TMEM42: variants seen among roughly 807,000 people sequenced by gnomAD.
TMEM42 encodes the protein transmembrane protein 42.
A neutral mutation model predicts 14.0 loss-of-function variants in TMEM42; 8 were observed. The observed-to-expected ratio is 0.57, with a 90% CI of 0.34 to 1.03. The LOEUF (loss-of-function observed/expected upper bound fraction) is 1.03. Among genes scored for constraint, TMEM42 ranks in the 50% least tolerant of loss-of-function variants. The pLI, the probability that TMEM42 is intolerant of heterozygous loss-of-function variation, is 0.03. For missense variants in TMEM42, 211 were observed against 219.8 expected (o/e 0.96, Z 0.25); for synonymous variants, 115 against 94.3 (o/e 1.22, Z -1.27).
chr3:44,865,007 G>A (rs1277074890), intron 2 of TMEM42, 33 bp from the exon 3 acceptor site: 1 of 1,611,406 alleles, frequency 6.2e-7, no homozygotes. Flanking sequence ...ACCTGCTGAA[G>A]TTGAGTCCCT....
rs191283161 is a variant in TMEM42 at position 44,864,168 on chromosome 3, C to T, written c.193-29C>T. ...TCTGCAGGTTGCTGCCCAGGGTGGA[C>T]GTGGCTGCAGTGACACTTTCTCCTG... On this transcript the variant is annotated intron_variant, in intron 1 of 2. Transcript: ENST00000302392. 1.2e-3 allele frequency: 1,957 copies of T among 1,612,358 alleles called. 4 individuals carry two copies. The highest frequency in any genetic ancestry group is 1.2e-3 in the Non-Finnish European group (1,405 of 1,179,560).
chr3:44,864,385 G>A, intron 2 of TMEM42, 42 bp downstream of exon 2: 3 of 1,612,282 alleles, frequency 1.9e-6, no homozygotes, highest in Non-Finnish European at 2.5e-6. Flanking sequence ...CTAAATCTGG[G>A]TTCTGGGTGA....
intron 2 of TMEM42, 129 bp from the exon 3 acceptor site, chr3:44,864,911 G>C: frequency 8.0e-7 from 1 of 1,245,522 alleles, no homozygotes; most frequent in South Asian, 1.5e-5. Context: ...TGACAGCTAG[G>C]TTTCAAGCCC....
rs987935704 is a variant in TMEM42 at position 44,865,391 on chromosome 3, A to C, written c.*211A>C. On this transcript the variant is annotated 3_prime_UTR_variant, in exon 3 of 3. Transcript: ENST00000302392. ...CCGGAAGTGTTTTGATCATCTGTAC[A>C]GTGCTTTGGATTCTTCCTCCCAGGC... 4.9e-6 allele frequency: 3 copies of C among 615,726 alleles called. No homozygotes were observed. The African/African-American group carries it at 5.5e-5, about 11-fold the overall frequency. 38.1% of individuals were successfully genotyped at this position (615,726 alleles called of 1,614,324 possible).
chr3:44,862,129 G>T lies in TMEM42; in HGVS notation c.192+13G>T. ...CTTCGGCAGCGAGGTCGAGCCCGGG[G>T]CGCTGTTGGTGCTGCTGCTGCGGGC... is the stretch of plus-strand genomic sequence containing the variant. On this transcript the variant is annotated intron_variant, in intron 1 of 2. Transcript: ENST00000302392. 1.6e-6 allele frequency: 2 copies of T among 1,232,272 alleles called. No individual in the cohort carries two copies. The allele number at this position is 1,232,272 out of a possible 1,614,324, so 76.3% of individuals were successfully genotyped here.
Position 44,864,177 on chromosome 3 carries a change from A to C in TMEM42, c.193-20A>C. On this transcript the variant is annotated intron_variant, in intron 1 of 2. Coordinates refer to ENST00000302392, the MANE Select transcript of TMEM42 (RefSeq NM_144638.3). The stretch of plus-strand genomic sequence containing the variant: ...TGCTGCCCAGGGTGGACGTGGCTGC[A>C]GTGACACTTTCTCCTGCAGGTGAGC... The C allele has an allele frequency of 6.2e-7, 1 of 1,613,098 alleles. No homozygotes were observed. Among genetic ancestry groups the C allele is most frequent in the Non-Finnish European group, 8.5e-7 (1 of 1,179,770 alleles).
At position 44,862,126 on chromosome 3, in the gene TMEM42, G is replaced by C; in HGVS notation, c.192+10G>C. On this transcript the variant is annotated intron_variant, in intron 1 of 2. Transcript: ENST00000302392. ...GGCCTTCGGCAGCGAGGTCGAGCCC[G>C]GGGCGCTGTTGGTGCTGCTGCTGCG... is the stretch of plus-strand genomic sequence containing the variant. 1 of 1,239,242 alleles carries C rather than the reference G, an allele frequency of 8.1e-7. No individual in the cohort carries two copies. The highest frequency in any genetic ancestry group is 3.1e-4 in the Middle Eastern group (1 of 3,268). 76.8% of individuals were successfully genotyped at this position (1,239,242 alleles called of 1,614,324 possible).
At chr3:44,864,142 G>T in intron 1 of TMEM42, 55 bp from the exon 2 acceptor site, 2 of 1,608,874 alleles carry the variant, frequency 1.2e-6, no homozygotes, top group Admixed American at 1.7e-5. Flanking sequence ...CTTTGAGGGG[G>T]TCTGCAGGTT....
intron 1 of TMEM42, 75 bp from the exon 2 acceptor site, chr3:44,864,122 C>T: frequency 2.5e-6 from 4 of 1,594,044 alleles, no homozygotes; most frequent in Non-Finnish European, 3.4e-6. Flanking sequence ...CAACCACAGT[C>T]CTGGGTGTGC....
chr3:44,863,303 C>CG (rs1553668735), intron 1 of TMEM42: 3 of 95,472 alleles, frequency 3.1e-5, no homozygotes, highest in Non-Finnish European at 7.3e-5. Context: ...ATTCCGCACC[C>CG]CCCCCCCCCG....
chr3:44,864,695 T>G (rs539671154), intron 2 of TMEM42, among the ~76,000 whole-genome samples: 1 of 152,308 alleles, frequency 6.6e-6, no homozygotes, highest in Admixed American at 6.5e-5. Context: ...CAGAAACTTT[T>G]CTGCCCTGTG....
chr3:44,864,988 G>A, intron 2 of TMEM42, 52 bp from the exon 3 acceptor site: 1 of 1,607,836 alleles, frequency 6.2e-7, no homozygotes, highest in South Asian at 1.1e-5. Context: ...GGAGAGTGAG[G>A]TTGTGCCCAC....
Position 44,862,071 on chromosome 3 carries a change from C to A in TMEM42, c.147C>A (p.Phe49Leu). The A allele has an allele frequency of 9.0e-7, 1 of 1,112,198 alleles. No individual in the cohort carries two copies. Among genetic ancestry groups the A allele is most frequent in the South Asian group, 2.8e-5 (1 of 35,922 alleles). 68.9% of individuals were successfully genotyped at this position (1,112,198 alleles called of 1,614,324 possible). A position where few individuals can be genotyped will look rare whatever the true frequency, so the allele number is the denominator to read the frequency against. ...GVFNCLCAGA[F>L]GALAAASAKL... ...TCAACTGTCTGTGCGCCGGCGCGTT[C>A]GGGGCCCTGGCCGCCGCCTCCGCCA... The change falls in exon 1 of 3, where the codon TTC (phenylalanine) becomes TTA (leucine). Residue 49 changes from phenylalanine to leucine, a missense_variant. Physicochemically the swap from Phe to Leu is conservative, Grantham distance 22. Coordinates refer to ENST00000302392, the MANE Select transcript of TMEM42 (RefSeq NM_144638.3).
In TMEM42 at chr3:44,865,395, C is replaced by CCTG; in HGVS notation, c.*215_*216insCTG. ...AAGTGTTTTGATCATCTGTACAGTG[C>CCTG]TTTGGATTCTTCCTCCCAGGCCTAC... On this transcript the variant is annotated 3_prime_UTR_variant, in exon 3 of 3. Coordinates refer to ENST00000302392, the MANE Select transcript of TMEM42 (RefSeq NM_144638.3). 1.7e-6 allele frequency: 1 copy of CCTG among 593,250 alleles called. No individual in the cohort carries two copies. The highest frequency in any genetic ancestry group is 2.9e-6 in the Non-Finnish European group (1 of 348,682). The allele number at this position is 593,250 out of a possible 1,614,324, so 36.7% of individuals were successfully genotyped here.
rs1025444526 is a variant in TMEM42 at position 44,865,473 on chromosome 3, A to G, written c.*293A>G. Reference sequence around the variant, plus strand: ...ATCCTGGGGTTGGTCTGCTTTGTGTATGGTACTTGAAACCACGCTGTAATT... The same window carrying G: ...ATCCTGGGGTTGGTCTGCTTTGTGTGTGGTACTTGAAACCACGCTGTAATT... On this transcript the variant is annotated 3_prime_UTR_variant, in exon 3 of 3. Coordinates refer to ENST00000302392, the MANE Select transcript of TMEM42 (RefSeq NM_144638.3). 3.6e-5 allele frequency: 14 copies of G among 393,978 alleles called. No homozygotes were observed. The highest frequency in any genetic ancestry group is 6.9e-4 in the Middle Eastern group (1 of 1,454). The allele number at this position is 393,978 out of a possible 1,614,324, so 24.4% of individuals were successfully genotyped here.
At chr3:44,864,413 C>T (rs1246772662) in intron 2 of TMEM42, 70 bp downstream of exon 2, 3 of 1,590,986 alleles carry the variant, frequency 1.9e-6, no homozygotes, top group Non-Finnish European at 2.6e-6. Context: ...TTGGATAACC[C>T]CTCCTTTCCC....
At chr3:44,862,226 G>A (rs1221993316) in intron 1 of TMEM42, 110 bp downstream of exon 1, 1 of 560,588 alleles carries the variant, frequency 1.8e-6, no homozygotes, top group Admixed American at 6.3e-5. Context: ...TGGGGCGGGG[G>A]TGGGCGCAGG....
chr3:44,863,820 T>TA, intron 1 of TMEM42: 1 of 211,166 alleles, frequency 4.7e-6, no homozygotes, highest in Non-Finnish European at 9.4e-6. Flanking sequence ...ACCCTAGGCT[T>TA]ACTACCTACG....
chr3:44,864,857 C>G (rs781254557), intron 2 of TMEM42, among the ~76,000 whole-genome samples, 183 bp from the exon 3 acceptor site: 3 of 152,148 alleles, frequency 2.0e-5, no homozygotes, highest in Non-Finnish European at 4.4e-5. Context: ...GAGGTAGCCT[C>G]TCCACTCATG....
Sources: allele counts gnomAD v4.1 joint callset (sites outside exome capture counted in the v4.1 genomes callset), GRCh38; gene constraint gnomAD v4.1.1; transcripts MANE v1.5; gene names NCBI Gene and HGNC (gene_info 2026-07-23, HGNC 2026-07-21).